BRAF: variants seen among roughly 807,000 people sequenced by gnomAD.
BRAF encodes the protein serine/threonine-protein kinase B-raf.
In BRAF, 16 loss-of-function variants were observed where a neutral mutation model predicts 104.6. The observed-to-expected ratio is 0.15, with a 90% CI of 0.10 to 0.23. The LOEUF is 0.23. Among genes scored for constraint, BRAF ranks in the 10% least tolerant of loss-of-function variants. The probability of loss-of-function intolerance (pLI) is 1.00; values close to 1 mark genes in which losing one functional copy is unlikely to be tolerated. For synonymous variants in BRAF, 310 were observed against 341.6 expected, an observed-to-expected ratio of 0.91 and a Z score of 1.02; for missense variants, 541 against 937.3, an observed-to-expected ratio of 0.58 and a Z score of 5.52.
rs544130824 is a variant in BRAF, at chr7:140,755,822, G to A, written c.1815-1589C>T. On this transcript the variant is annotated intron_variant, in intron 14 of 19. Coordinates refer to ENST00000644969, the MANE Select transcript of BRAF (RefSeq NM_001374258.1). The stretch of plus-strand genomic sequence containing the variant: ...AGAAAGGGGGATAAATGATGATGGT[G>A]TTGGTTGGTGGAGCTAGGTCCTGCA... 9.2e-5 allele frequency among the ~76,000 whole-genome samples: 14 copies of A among 152,070 alleles called. 1 individual carries two copies. In the South Asian group the frequency reaches 2.3e-3, roughly 25 times the overall value.
At chr7:140,893,470 C>T (rs891327495) in intron 1 of BRAF, among the ~76,000 whole-genome samples, 1 of 151,988 alleles carries the variant, frequency 6.6e-6, no homozygotes, top group East Asian at 1.9e-4. Context: ...AGGATGGTCT[C>T]GATCTCTTGA....
At chr7:140,728,798 C>T (rs555391486) in intron 19 of BRAF, among the ~76,000 whole-genome samples, 1 of 151,678 alleles carries the variant, frequency 6.6e-6, no homozygotes, top group East Asian at 1.9e-4. Context: ...TAAAGGAAGT[C>T]AATGTAAAAA....
intron 14 of BRAF, among the ~76,000 whole-genome samples, chr7:140,772,306 A>ACAG (rs1402771927): frequency 6.6e-6 from 1 of 151,730 alleles, no homozygotes; most frequent in Non-Finnish European, 1.5e-5. Context: ...AACAACAACA[A>ACAG]CAACAACAAA....
At chr7:140,799,307 C>T (rs10487888) in intron 7 of BRAF, 90,053 of 232,174 alleles carry the variant, frequency 0.39, 21,838 homozygotes, top group Non-Finnish European at 0.54. Context: ...TTTTCACTAC[C>T]AACAACATCC....
intron 18 of BRAF, among the ~76,000 whole-genome samples, chr7:140,738,966 GAAA>G (rs56672171): frequency 2.4e-4 from 29 of 118,934 alleles, no homozygotes; most frequent in Non-Finnish European, 4.7e-4. Flanking sequence ...TTCCAATATG[GAAA>G]AAAAAAAAAA....
chr7:140,771,739 T>C (rs1380091974), intron 14 of BRAF, among the ~76,000 whole-genome samples: 1 of 149,880 alleles, frequency 6.7e-6, no homozygotes, highest in African/African-American at 2.4e-5. Context: ...AGACTATATC[T>C]GGCTTGGTCA....
At chr7:140,871,576 C>A (rs191951407) in intron 1 of BRAF, among the ~76,000 whole-genome samples, 1 of 152,184 alleles carries the variant, frequency 6.6e-6, no homozygotes, top group Non-Finnish European at 1.5e-5. Context: ...ATATTTTTAA[C>A]CTTTATTAAC....
intron 1 of BRAF, among the ~76,000 whole-genome samples, chr7:140,903,224 C>T (rs922931055): frequency 2.0e-5 from 3 of 152,094 alleles, no homozygotes; most frequent in African/African-American, 7.2e-5. Flanking sequence ...CCACGCCTGG[C>T]CTAGGACACG....
rs1374374572 is a variant in BRAF, at chr7:140,720,269, T to C, written c.*6225A>G. ...GATACAGTCCTCAAAAATCAGGCGA[T>C]ATCATGAAGGCCAAACTGAGTCTAT... On this transcript the variant is annotated 3_prime_UTR_variant, in exon 20 of 20. Coordinates refer to ENST00000644969, the MANE Select transcript of BRAF (RefSeq NM_001374258.1). 2.8e-6 allele frequency: 3 copies of C among 1,062,572 alleles called. No homozygotes were observed. The highest frequency in any genetic ancestry group is 5.1e-5 in the East Asian group (1 of 19,756). 65.8% of individuals were successfully genotyped at this position (1,062,572 alleles called of 1,614,324 possible). A position where few individuals can be genotyped will look rare whatever the true frequency, so the allele number is the denominator to read the frequency against.
chr7:140,728,432 T>A (rs1363946789), intron 19 of BRAF, among the ~76,000 whole-genome samples: 2 of 152,124 alleles, frequency 1.3e-5, no homozygotes, highest in Non-Finnish European at 2.9e-5. Flanking sequence ...TTTCTATGCA[T>A]GAATTCCTTT....
chr7:140,789,545 T>C (rs1284301558), intron 8 of BRAF, among the ~76,000 whole-genome samples: 1 of 152,244 alleles, frequency 6.6e-6, no homozygotes, highest in Non-Finnish European at 1.5e-5. Flanking sequence ...GTTATATGGC[T>C]ACTAACAAAT....
intron 1 of BRAF, among the ~76,000 whole-genome samples, chr7:140,859,550 C>T (rs1018194445): frequency 1.4e-4 from 22 of 152,090 alleles, no homozygotes; most frequent in Non-Finnish European, 3.2e-4. Context: ...TGACAAAGAC[C>T]TACATAAATA....
intron 17 of BRAF, among the ~76,000 whole-genome samples, chr7:140,742,915 C>T (rs1318958616): frequency 1.8e-4 from 28 of 151,588 alleles, no homozygotes; most frequent in Admixed American, 3.3e-4. Context: ...GGGCAAAGGA[C>T]ATGAACAGAC....
chr7:140,753,798 T>C (rs887875047), intron 15 of BRAF: 5 of 314,184 alleles, frequency 1.6e-5, no homozygotes, highest in Non-Finnish European at 3.0e-5. Context: ...AAGAGAAATA[T>C]TATGTTTTTC....
At chr7:140,718,850 T>TA (rs886871461), downstream of BRAF, among the ~76,000 whole-genome samples, 65 of 151,512 alleles carry the variant, frequency 4.3e-4, no homozygotes, top group East Asian at 9.8e-3. Context: ...GTAACCAGCA[T>TA]AAAAAAAAAT....
Position 140,720,026 on chromosome 7 carries a change from G to C in BRAF, c.*6468C>G, listed in dbSNP as rs541003410. ...TACAGGAGTCATGTCCTCAAACCAAGGAATACATGAAAAGGGGGGATTTCC... is the reference window on the plus strand; with the variant it reads ...TACAGGAGTCATGTCCTCAAACCAACGAATACATGAAAAGGGGGGATTTCC... On this transcript the variant is annotated 3_prime_UTR_variant, in exon 20 of 20. Coordinates refer to ENST00000644969, the MANE Select transcript of BRAF (RefSeq NM_001374258.1). The C allele has an allele frequency of 9.4e-7, 1 of 1,061,548 alleles. No individual in the cohort carries two copies. Among genetic ancestry groups the C allele is most frequent in the Admixed American group, 5.4e-5 (1 of 18,618 alleles). The allele number at this position is 1,061,548 out of a possible 1,614,324, so 65.8% of individuals were successfully genotyped here. A position where few individuals can be genotyped will look rare whatever the true frequency, so the allele number is the denominator to read the frequency against.
chr7:140,830,935 T>TAG (rs1229718349), intron 3 of BRAF, among the ~76,000 whole-genome samples: 3 of 152,234 alleles, frequency 2.0e-5, no homozygotes, highest in Non-Finnish European at 4.4e-5. Context: ...TTCTGTGAGC[T>TAG]ATTCTAGCAA....
At chr7:140,906,605 G>C (rs1016642993) in intron 1 of BRAF, among the ~76,000 whole-genome samples, 3 of 152,054 alleles carry the variant, frequency 2.0e-5, no homozygotes, top group African/African-American at 7.2e-5. Context: ...CTTTTATCTA[G>C]AATCTTTCTG....
chr7:140,874,556 A>T (rs1196902038), intron 1 of BRAF, among the ~76,000 whole-genome samples: 1 of 151,458 alleles, frequency 6.6e-6, no homozygotes, highest in Non-Finnish European at 1.5e-5. Flanking sequence ...AAAAAAGGCA[A>T]AGAAATAACA....
Sources: gnomAD v4.1 joint callset for allele counts (sites outside exome capture counted in the v4.1 genomes callset) on GRCh38, gnomAD v4.1.1 for gene constraint, MANE v1.5 for transcripts, NCBI Gene and HGNC (gene_info 2026-07-23, HGNC 2026-07-21) for gene names.